ANGEL1: variants seen among roughly 807,000 people sequenced by gnomAD.
The protein encoded by ANGEL1 is angel homolog 1.
In ANGEL1, 62 loss-of-function variants were observed where a neutral mutation model predicts 76.4. The ratio of observed to expected loss-of-function variants is 0.81; its 90% confidence interval spans 0.66 to 1.00. The LOEUF (loss-of-function observed/expected upper bound fraction) is 1.00, where lower values mean the gene tolerates loss of function less well. ANGEL1 is among the 50% of genes least tolerant of loss of function. The pLI is 0.00. For synonymous variants in ANGEL1, 340 were observed against 331.7 expected, an observed-to-expected ratio of 1.03 and a Z score of -0.27; for missense variants, 737 against 836.7, an observed-to-expected ratio of 0.88 and a Z score of 1.47.
intron 7 of ANGEL1, among the ~76,000 whole-genome samples, chr14:76,793,184 C>T (rs976716534): frequency 6.7e-6 from 1 of 150,252 alleles, no homozygotes; most frequent in African/African-American, 2.5e-5. Flanking sequence ...TGTAGGCACA[C>T]TAAAAATTAC....
chr14:76,806,999 T>A, intron 4 of ANGEL1, 150 bp from the exon 5 acceptor site: 1 of 905,662 alleles, frequency 1.1e-6, no homozygotes, highest in Non-Finnish European at 1.7e-6. Context: ...GTTCAGCAGG[T>A]TCCCCCTTAC....
intron 7 of ANGEL1, 44 bp downstream of exon 7, chr14:76,803,327 T>A (rs373486693): frequency 1.3e-6 from 2 of 1,496,346 alleles, no homozygotes; most frequent in African/African-American, 2.8e-5. Context: ...ATATCAGGAA[T>A]GAGGAAGAAA....
At position 76,790,650 on chromosome 14, in the gene ANGEL1, A is replaced by T; in HGVS notation, c.1813T>A (p.Phe605Ile). Reference sequence around the variant, plus strand: ...TTCTCACAGGACTCAGCTGAGAAGAAGATGTAATCTACTGTCATTCCAAGA... The same window carrying T: ...TTCTCACAGGACTCAGCTGAGAAGATGATGTAATCTACTGTCATTCCAAGA... ...LGLGMTVDYI[F>I]FSAESCENGN... The change falls in exon 9 of 10, where the codon TTC (phenylalanine) becomes ATC (isoleucine). Residue 605 changes from phenylalanine (F) to isoleucine (I), a missense_variant. Physicochemically the swap from Phe to Ile is conservative, Grantham distance 21. Around this residue, in one of 2 missense-constraint regions of ANGEL1, gnomAD observed 296 missense variants for 387.2 expected, o/e 0.76. Coordinates refer to ENST00000251089, the MANE Select transcript of ANGEL1 (RefSeq NM_015305.4). The T allele has an allele frequency of 6.2e-7, 1 of 1,614,148 alleles. No homozygotes were observed. Among genetic ancestry groups the T allele is most frequent in the Non-Finnish European group, 8.5e-7 (1 of 1,180,010 alleles).
chr14:76,807,041 G>C (rs1190895142), intron 4 of ANGEL1, among the ~76,000 whole-genome samples, 192 bp from the exon 5 acceptor site: 2 of 152,198 alleles, frequency 1.3e-5, no homozygotes, highest in African/African-American at 4.8e-5. Context: ...GGCTGGAAGG[G>C]CAAGGAGGGA....
At chr14:76,798,378 C>G (rs1410566704) in intron 7 of ANGEL1, among the ~76,000 whole-genome samples, 2 of 152,080 alleles carry the variant, frequency 1.3e-5, no homozygotes, top group Admixed American at 1.3e-4. Flanking sequence ...CCTTCCACCT[C>G]AGCCTTCCAA....
chr14:76,801,678 CCA>C (rs1894769166), intron 7 of ANGEL1, among the ~76,000 whole-genome samples: 1 of 151,920 alleles, frequency 6.6e-6, no homozygotes, highest in African/African-American at 2.4e-5. Context: ...ACCTTGTTTT[CCA>C]CAGTTATCTA....
At chr14:76,810,428 AG>A (rs1805614290) in intron 1 of ANGEL1, among the ~76,000 whole-genome samples, 2 of 151,928 alleles carry the variant, frequency 1.3e-5, no homozygotes, top group Admixed American at 1.3e-4. Flanking sequence ...AAAAAAAAAA[AG>A]AAAAGAAAAG....
intron 7 of ANGEL1, among the ~76,000 whole-genome samples, chr14:76,797,161 T>C (rs1894604087): frequency 6.6e-6 from 1 of 152,204 alleles, no homozygotes; most frequent in Non-Finnish European, 1.5e-5. Context: ...CAAGTTCCTC[T>C]GCAAGAACTT....
chr14:76,797,857 G>T (rs1166803405), intron 7 of ANGEL1, among the ~76,000 whole-genome samples: 1 of 152,208 alleles, frequency 6.6e-6, no homozygotes, highest in African/African-American at 2.4e-5. Context: ...CTATGAGAAA[G>T]AAAACACAGT....
chr14:76,799,889 C>T (rs1894709068), intron 7 of ANGEL1, among the ~76,000 whole-genome samples: 1 of 132,484 alleles, frequency 7.5e-6, no homozygotes, highest in South Asian at 2.4e-4. Flanking sequence ...CTGGGTGAAA[C>T]AGTGAGACTC....
intron 4 of ANGEL1, 45 bp downstream of exon 4, chr14:76,807,388 T>A: frequency 6.4e-7 from 1 of 1,571,408 alleles, no homozygotes; most frequent in Non-Finnish European, 8.7e-7. Context: ...AGTAGACAAG[T>A]CTGTGGAAAG....
At position 76,809,194 on chromosome 14, in the gene ANGEL1, C is replaced by A; in HGVS notation, c.514G>T (p.Glu172Ter). Residue 172 changes from glutamate to a stop codon, truncating the protein, a stop_gained, in exon 2 of 10, where the codon GAG becomes TAG. Transcript: ENST00000251089. LOFTEE classifies it high-confidence loss of function. ...ACCGCTGGGTCCTCTTCCCACTGCT[C>A]TGTGGCCAGGGCACCCACTGGGAGG... is the stretch of plus-strand genomic sequence containing the variant. The part of the protein sequence containing the change: ...AALPVGALAT[E>*]QWEEDPAVLA... 1 of 1,613,826 alleles carries A rather than the reference C, an allele frequency of 6.2e-7. No individual in the cohort carries two copies. Among genetic ancestry groups the A allele is most frequent in the South Asian group, 1.1e-5 (1 of 91,024 alleles).
chr14:76,812,718 G>A lies in ANGEL1; in HGVS notation c.64+46C>T, dbSNP rs757126585. The A allele has an allele frequency of 2.0e-5, 30 of 1,483,274 alleles. No individual in the cohort carries two copies. In the South Asian group the frequency reaches 3.6e-4, roughly 18 times the overall value. The allele number at this position is 1,483,274 out of a possible 1,614,324, so 91.9% of individuals were successfully genotyped here. ...CCCAGGCCCGCGGAGCCCCGCAGAG[G>A]CGAGCCCTGGCCGGGCTCCTGTCTG... On this transcript the variant is annotated intron_variant, in intron 1 of 9. Coordinates refer to ENST00000251089, the MANE Select transcript of ANGEL1 (RefSeq NM_015305.4).
chr14:76,791,447 C>G, intron 7 of ANGEL1, 81 bp from the exon 8 acceptor site: 1 of 1,322,484 alleles, frequency 7.6e-7, no homozygotes, highest in South Asian at 1.2e-5. Flanking sequence ...TAAAATCCCT[C>G]TCAGATCCTT....
At chr14:76,812,047 C>T (rs150209053) in intron 1 of ANGEL1, among the ~76,000 whole-genome samples, 5 of 152,286 alleles carry the variant, frequency 3.3e-5, no homozygotes, top group African/African-American at 1.2e-4. Flanking sequence ...GCATAAAACC[C>T]TCCGTAATTT....
intron 9 of ANGEL1, among the ~76,000 whole-genome samples, chr14:76,790,365 C>T (rs902097699): frequency 6.6e-6 from 1 of 152,146 alleles, no homozygotes; most frequent in South Asian, 2.1e-4. Flanking sequence ...ATTTTTACCT[C>T]TAAAATGGGG....
chr14:76,789,114 A>C lies in ANGEL1; in HGVS notation c.*114T>G. ...GGGAAAAAGGGAACGAGGAGGGGGA[A>C]GGGAGGGGATGTAAGTTTCTTGGAT... On this transcript the variant is annotated 3_prime_UTR_variant, in exon 10 of 10. Transcript: ENST00000251089. The C allele has an allele frequency of 7.5e-7, 1 of 1,326,516 alleles. No individual in the cohort carries two copies. Among genetic ancestry groups the C allele is most frequent in the Non-Finnish European group, 1.0e-6 (1 of 961,496 alleles). 82.2% of individuals were successfully genotyped at this position (1,326,516 alleles called of 1,614,324 possible).
In ANGEL1 at chr14:76,806,621, T is replaced by C. The variant is rs1815790870; in HGVS notation, c.1175A>G (p.His392Arg). The C allele has an allele frequency of 6.2e-7, 1 of 1,614,044 alleles. No individual in the cohort carries two copies. ...SVAPLCVANT[H>R]ILYNPRRGDV... ...GCCCCGGCGTGGGTTGTAAAGGATA[T>C]GGGTATTTGCCACACACAGCGGGGC... The change falls in exon 5 of 10, where the codon CAT becomes CGT. Residue 392 changes from histidine to arginine, a missense_variant. By Grantham distance (29) the His-to-Arg change is conservative. Transcript: ENST00000251089.
chr14:76,804,969 CATTG>C lies in ANGEL1; in HGVS notation c.1381-1061_1381-1058del, dbSNP rs200790055. ...AGGTTGCAGTGAGCCGAGATCGTGC[CATTG>C]CACTCCAGCCTGGGCAACAGAGCGA... On this transcript the variant is annotated intron_variant, in intron 5 of 9. Coordinates refer to ENST00000251089, the MANE Select transcript of ANGEL1 (RefSeq NM_015305.4). Among the ~76,000 whole-genome samples the C allele has an allele frequency of 5.3e-3, 811 of 152,020 alleles. 6 individuals are homozygous for C. The highest frequency in any genetic ancestry group is 0.019 in the African/African-American group (785 of 41,444).
Sources: allele counts gnomAD v4.1 joint callset (sites outside exome capture counted in the v4.1 genomes callset), GRCh38; gene constraint gnomAD v4.1.1; regional missense constraint gnomAD v4.1.1; transcripts MANE v1.5; gene names NCBI Gene and HGNC (gene_info 2026-07-23, HGNC 2026-07-21).